SMARCE1: variants seen among roughly 807,000 people sequenced by gnomAD.
SMARCE1 encodes the protein SWI/SNF related BAF chromatin remodeling complex subunit E1, also known as SWI/SNF-related matrix-associated actin-dependent regulator of chromatin subfamily E member 1.
SMARCE1 carries 13 observed loss-of-function variants against 54.9 expected under a neutral mutation model. That is an observed-to-expected ratio of 0.24 (90% confidence interval 0.15 to 0.38). SMARCE1 has a LOEUF of 0.38. Ranked by LOEUF, SMARCE1 falls within the 10% of genes least tolerant of loss-of-function variation. SMARCE1 has a pLI of 1.00. For synonymous variants in SMARCE1, 151 were observed against 175.3 expected (o/e 0.86, Z 1.10); for missense variants, 295 against 523.8 (o/e 0.56, Z 4.26).
chr17:40,644,166 A>G (rs1211286969), intron 3 of SMARCE1: 2 of 152,256 alleles, frequency 1.3e-5, no homozygotes, highest in African/African-American at 4.8e-5. Flanking sequence ...TTTATGCATA[A>G]TAAATTATAA....
In SMARCE1 at chr17:40,627,711, T is replaced by C. The variant is rs2037049312; in HGVS notation, c.*1074A>G. 1.3e-5 allele frequency: 1 copy of C among 76,716 alleles called. No homozygotes were observed. The highest frequency in any genetic ancestry group is 8.1e-5 in the African/African-American group (1 of 12,422). 4.8% of individuals were successfully genotyped at this position (76,716 alleles called of 1,614,324 possible). A position where few individuals can be genotyped will look rare whatever the true frequency, so the allele number is the denominator to read the frequency against. On this transcript the variant is annotated 3_prime_UTR_variant, in exon 11 of 11. Coordinates refer to ENST00000348513, the MANE Select transcript of SMARCE1 (RefSeq NM_003079.5). Reference sequence around the variant, plus strand: ...TAGTGCATTAAAAACACTGAGACCTTTTTTTCATTTTTTTTTTTATTACAT... The same window carrying C: ...TAGTGCATTAAAAACACTGAGACCTCTTTTTCATTTTTTTTTTTATTACAT...
chr17:40,643,742 G>A (rs1016771078), intron 3 of SMARCE1: 5 of 152,050 alleles, frequency 3.3e-5, no homozygotes, highest in Admixed American at 2.6e-4. Context: ...AAAACATGCC[G>A]CTGCACATAT....
At chr17:40,636,819 T>G (rs2037150010) in intron 5 of SMARCE1, 1 of 225,570 alleles carries the variant, frequency 4.4e-6, no homozygotes, top group South Asian at 9.4e-5. Context: ...GATGAGTTAC[T>G]TCAATAACAT....
At chr17:40,630,296 G>A in intron 10 of SMARCE1, 1 of 1,244,944 alleles carries the variant, frequency 8.0e-7, no homozygotes, top group Non-Finnish European at 1.2e-6. Flanking sequence ...TCTGTAAAGA[G>A]CCAGATAGAA....
At chr17:40,639,584 G>A (rs2037177729) in intron 4 of SMARCE1, among the ~76,000 whole-genome samples, 1 of 151,772 alleles carries the variant, frequency 6.6e-6, no homozygotes, top group South Asian at 2.1e-4. Flanking sequence ...CCAAAGAAAG[G>A]TACACAAATC....
chr17:40,645,349 G>A, intron 3 of SMARCE1: 2 of 434,474 alleles, frequency 4.6e-6, no homozygotes, highest in South Asian at 7.0e-5. Context: ...AACAAACTGA[G>A]CACAGGAGGT....
Position 40,636,412 on chromosome 17 carries a change from C to T in SMARCE1, c.352G>A (p.Glu118Lys), listed in dbSNP as rs1131691457. The change falls in exon 6 of 11, where the codon GAA (glutamate) becomes AAA (lysine). Residue 118 changes from glutamate (E) to lysine (K), a missense_variant. Around this residue, in one of 5 missense-constraint regions of SMARCE1, gnomAD observed 15 missense variants for 40.1 expected, o/e 0.37. Transcript: ENST00000348513. ...TDEEKQEYLN[E>K]YEAEKIEYNE... is the part of the protein sequence containing the mutation. Reference sequence around the variant, plus strand: ...TACCCTACCTTTTCTGCTTCGTATTCGTTTAAATATTCTTGTTTTTCTTCA... The same window carrying T: ...TACCCTACCTTTTCTGCTTCGTATTTGTTTAAATATTCTTGTTTTTCTTCA... 1.2e-6 allele frequency: 2 copies of T among 1,611,672 alleles called. No individual in the cohort carries two copies. The highest frequency in any genetic ancestry group is 1.7e-6 in the Non-Finnish European group (2 of 1,179,306).
intron 5 of SMARCE1, 165 bp from the exon 6 acceptor site, chr17:40,636,691 C>A: frequency 1.8e-6 from 1 of 557,862 alleles, no homozygotes. Flanking sequence ...ACTGGCCAAT[C>A]TCAAGTTATC....
At chr17:40,629,932 TAA>T (rs1472238203) in intron 10 of SMARCE1, 1 of 351,608 alleles carries the variant, frequency 2.8e-6, no homozygotes, top group African/African-American at 2.1e-5. Flanking sequence ...AAATACCTGG[TAA>T]AGATATCTAT....
chr17:40,645,591 G>T lies in SMARCE1; in HGVS notation c.36C>A (p.Thr12=). The change falls in exon 3 of 11, where the codon ACC becomes ACA. Residue 12 remains threonine (T), a synonymous_variant. Transcript: ENST00000348513. ...SKRPSYAPPP[T]PAPATQMPST... ...TAAAACTTACTGTTGCAGGAGCTGG[G>T]GTGGGAGGTGGGGCATAAGATGGTC... is the stretch of plus-strand genomic sequence containing the variant. The T allele has an allele frequency of 6.4e-7, 1 of 1,565,394 alleles. No individual in the cohort carries two copies. Among genetic ancestry groups the T allele is most frequent in the Non-Finnish European group, 8.6e-7 (1 of 1,164,694 alleles).
chr17:40,629,063 G>T, intron 10 of SMARCE1, 70 bp from the exon 11 acceptor site: 1 of 1,313,882 alleles, frequency 7.6e-7, no homozygotes, highest in Non-Finnish European at 1.1e-6. Context: ...ACAGTATACA[G>T]CTGTGCTGTC....
chr17:40,636,025 T>C lies in SMARCE1; in HGVS notation c.447A>G (p.Ala149=). 1 of 1,613,884 alleles carries C rather than the reference T, an allele frequency of 6.2e-7. No homozygotes were observed. Among genetic ancestry groups the C allele is most frequent in the Non-Finnish European group, 8.5e-7 (1 of 1,179,844 alleles). ...GACTTTCTTCCTCTAAAGCAGCTTC[T>C]GCACGACTTTTTGCATTTATGTAAG... ...YLAYINAKSR[A]EAALEEESRQ... Residue 149 remains alanine (A), a synonymous_variant, in exon 7 of 11, where the codon GCA becomes GCG. Transcript: ENST00000348513.
chr17:40,641,856 C>T (rs996537238), intron 4 of SMARCE1: 18 of 152,870 alleles, frequency 1.2e-4, no homozygotes, highest in Admixed American at 9.8e-4. Context: ...TCTCGTTGTA[C>T]ATATCTAGTC....
rs1005110231 is a variant in SMARCE1, at chr17:40,626,620, C to G, written c.*2165G>C. The G allele has an allele frequency of 1.3e-5, 2 of 152,300 alleles. No homozygotes were observed. The highest frequency in any genetic ancestry group is 2.9e-5 in the Non-Finnish European group (2 of 68,150). The allele number at this position is 152,300 out of a possible 1,614,324, so 9.4% of individuals were successfully genotyped here. ...GGCACAGTGGCTCACGCCTGTAATC[C>G]CAGCACTTTGGGAGACTGAGGCAGG... is the stretch of plus-strand genomic sequence containing the variant. On this transcript the variant is annotated 3_prime_UTR_variant, in exon 11 of 11. Transcript: ENST00000348513.
At chr17:40,633,487 C>G (rs1417386646) in intron 7 of SMARCE1, 2 of 151,594 alleles carry the variant, frequency 1.3e-5, no homozygotes, top group Non-Finnish European at 2.9e-5. Flanking sequence ...CATATTAAAA[C>G]AAACGCTCCT....
chr17:40,629,034 T>C, intron 10 of SMARCE1, 41 bp from the exon 11 acceptor site: 1 of 1,538,460 alleles, frequency 6.5e-7, no homozygotes, highest in East Asian at 2.2e-5. Context: ...CAAGATGAAA[T>C]TTTACTCTAG....
intron 7 of SMARCE1, 121 bp downstream of exon 7, chr17:40,635,810 G>A (rs991746560): frequency 1.1e-5 from 8 of 703,130 alleles, no homozygotes; most frequent in Non-Finnish European, 1.5e-5. Context: ...ATACTAAGAC[G>A]ATACTTAAAT....
chr17:40,638,831 T>C (rs949673273), intron 4 of SMARCE1, among the ~76,000 whole-genome samples: 2 of 152,210 alleles, frequency 1.3e-5, no homozygotes, highest in Non-Finnish European at 2.9e-5. Flanking sequence ...CCTTCTGTTG[T>C]TGCTATGATA....
Position 40,632,357 on chromosome 17 carries a change from A to G in SMARCE1, c.552T>C (p.Asp184=), listed in dbSNP as rs1555605438. The G allele has an allele frequency of 3.1e-6, 5 of 1,613,834 alleles. No individual in the cohort carries two copies. Among genetic ancestry groups the G allele is most frequent in the Non-Finnish European group, 4.2e-6 (5 of 1,179,836 alleles). The stretch of plus-strand genomic sequence containing the variant: ...TGGCTGTATGCTTCATTGAAAAGCC[A>G]TCATCATAATCTGGAGTGAACAAAT... The part of the protein sequence containing the change: ...QPAEDPDDYD[D]GFSMKHTATA... The change falls in exon 8 of 11, where the codon GAT becomes GAC. Residue 184 remains aspartate, a synonymous_variant. Transcript: ENST00000348513.
Sources: gnomAD v4.1 joint callset for allele counts (sites outside exome capture counted in the v4.1 genomes callset) on GRCh38, gnomAD v4.1.1 for gene constraint, gnomAD v4.1.1 regional missense constraint, MANE v1.5 for transcripts, NCBI Gene and HGNC (gene_info 2026-07-23, HGNC 2026-07-21) for gene names.